FCRL3: variants seen among roughly 807,000 people sequenced by gnomAD.
The protein encoded by FCRL3 is Fc receptor like 3.
A neutral mutation model predicts 75.0 loss-of-function variants in FCRL3; 89 were observed. The ratio of observed to expected loss-of-function variants is 1.19; its 90% CI spans 1.00 to 1.42. The LOEUF (loss-of-function observed/expected upper bound fraction) is 1.42, where lower values mean the gene tolerates loss of function less well. FCRL3 is among the 40% of genes most tolerant of loss of function. The pLI, the probability that FCRL3 is intolerant of heterozygous loss-of-function variation, is 0.00. For missense variants in FCRL3, 946 were observed against 880.0 expected (o/e 1.07, Z -0.95); for synonymous variants, 376 against 348.5 (o/e 1.08, Z -0.88).
At position 157,676,717 on chromosome 1, in the gene FCRL3, T is replaced by G; in HGVS notation, c.*1993A>C. ...ATACTCTGATTTGCACAGGGCTAAG[T>G]GTTACAAAGACATGGAAAATCTTGA... On this transcript the variant is annotated 3_prime_UTR_variant, in exon 15 of 15. Transcript: ENST00000368184. The G allele has an allele frequency of 5.2e-6, 8 of 1,550,416 alleles. No homozygotes were observed. Among genetic ancestry groups the G allele is most frequent in the Non-Finnish European group, 7.0e-6 (8 of 1,146,862 alleles).
Position 157,698,547 on chromosome 1 carries a change from G to A in FCRL3, c.135C>T (p.Ser45=), listed in dbSNP as rs141202519. The change falls in exon 4 of 15, where the codon AGC becomes AGT. Residue 45 remains serine, a synonymous_variant. Transcript: ENST00000368184. ...CCTGGGCTAGGGAATGTGATATGCT[G>A]CTGCATATGAGAGCCACTTTTTCTC... ...FKGEKVALIC[S]SISHSLAQGD... is the part of the protein sequence containing the mutation. 89 of 1,614,052 alleles carry A rather than the reference G, an allele frequency of 5.5e-5. No individual in the cohort carries two copies. The highest frequency in any genetic ancestry group is 1.8e-4 in the Admixed American group (11 of 60,012).
intron 2 of FCRL3, 139 bp from the exon 3 acceptor site, chr1:157,699,851 A>G (rs1322939233): frequency 1.1e-6 from 1 of 894,368 alleles, no homozygotes; most frequent in Non-Finnish European, 1.7e-6. Context: ...ACAACAAAGA[A>G]AATGTCATAT....
intron 10 of FCRL3, among the ~76,000 whole-genome samples, chr1:157,685,936 C>T (rs1482842144): frequency 1.3e-5 from 2 of 152,034 alleles, no homozygotes; most frequent in Non-Finnish European, 2.9e-5. Context: ...TCCACTATCA[C>T]TACGCCTATT....
chr1:157,687,619 T>A (rs988266917), intron 10 of FCRL3, among the ~76,000 whole-genome samples: 2 of 150,144 alleles, frequency 1.3e-5, no homozygotes, highest in Admixed American at 1.3e-4. Context: ...AAAAATGAAA[T>A]CATGTCTTTT....
At chr1:157,698,712 G>A (rs575149397) in intron 3 of FCRL3, 83 bp from the exon 4 acceptor site, 1 of 1,446,206 alleles carries the variant, frequency 6.9e-7, no homozygotes, top group East Asian at 2.3e-5. Flanking sequence ...CCTACAGTCA[G>A]GAGTTTTCCT....
chr1:157,696,413 C>T (rs1375341149), intron 6 of FCRL3, 86 bp from the exon 7 acceptor site: 31 of 1,435,290 alleles, frequency 2.2e-5, no homozygotes, highest in East Asian at 2.1e-4. Flanking sequence ...ATGAATAGGC[C>T]AATAGCAGCA....
Position 157,680,764 on chromosome 1 carries a change from G to A in FCRL3, c.1964C>T (p.Pro655Leu), listed in dbSNP as rs755364010. The A allele has an allele frequency of 9.3e-6, 15 of 1,613,990 alleles. No homozygotes were observed. Among genetic ancestry groups the A allele is most frequent in the Non-Finnish European group, 1.2e-5 (14 of 1,179,894 alleles). ...GGAATAAATCGGGTTGCTATCTCCA[G>A]GATTTACTGTGAGAGAAGATATCAT... ...ELEPMYSNVN[P>L]GDSNPIYSQI... The change falls in exon 13 of 15, where the codon CCT (proline) becomes CTT (leucine). Residue 655 changes from proline to leucine, a missense_variant. Physicochemically the swap from Pro to Leu is moderately conservative, Grantham distance 98. Transcript: ENST00000368184.
At chr1:157,688,052 A>G (rs7549100) in intron 10 of FCRL3, among the ~76,000 whole-genome samples, 42,520 of 151,970 alleles carry the variant, frequency 0.28, 6,528 homozygotes, top group African/African-American at 0.41. Flanking sequence ...AGATGTGACA[A>G]ATAGAAAGCA....
At chr1:157,683,340 A>C (rs1242184238) in intron 10 of FCRL3, 96 bp from the exon 11 acceptor site, 3 of 1,448,846 alleles carry the variant, frequency 2.1e-6, no homozygotes, top group Non-Finnish European at 2.9e-6. Context: ...GATTCATTCT[A>C]GATCTAAGCT....
In FCRL3 at chr1:157,695,495, G is replaced by A; in HGVS notation, c.1245C>T (p.Tyr415=). 1.9e-6 allele frequency: 3 copies of A among 1,614,158 alleles called. No individual in the cohort carries two copies. The highest frequency in any genetic ancestry group is 2.5e-6 in the Non-Finnish European group (3 of 1,180,014). ...GGGTGACATCCTCATGATAAAATCG[G>A]TACAGGATCGGGGGAGAGCCTCTCA... is the stretch of plus-strand genomic sequence containing the variant. ...ESLRGSPPIL[Y]RFYHEDVTLG... is the part of the protein sequence containing the mutation. The change falls in exon 8 of 15, where the codon TAC becomes TAT. Residue 415 remains tyrosine (Y), a synonymous_variant. Coordinates refer to ENST00000368184, the MANE Select transcript of FCRL3 (RefSeq NM_052939.4).
rs761313257 is a variant in FCRL3, at chr1:157,697,817, T to C, written c.401A>G (p.Tyr134Cys). ...ATTAGGAAGCTGTTTTCCATCCTTG[T>C]AGTAAACCTTTTGATGAGTGTTTTT... is the stretch of plus-strand genomic sequence containing the variant. ...DNKNTHQKVY[Y>C]KDGKQLPNSY... Residue 134 changes from tyrosine to cysteine, a missense_variant, in exon 5 of 15, where the codon TAC becomes TGC. Coordinates refer to ENST00000368184, the MANE Select transcript of FCRL3 (RefSeq NM_052939.4). The C allele has an allele frequency of 7.4e-6, 12 of 1,614,086 alleles. No homozygotes were observed. In the East Asian group the frequency reaches 1.3e-4, roughly 18 times the overall value.
chr1:157,700,234 G>A (rs1293860254), intron 2 of FCRL3, among the ~76,000 whole-genome samples: 1 of 152,216 alleles, frequency 6.6e-6, no homozygotes, highest in African/African-American at 2.4e-5. Flanking sequence ...TTCCTATGAG[G>A]TGAGAAAAGC....
chr1:157,680,746 A>T lies in FCRL3; in HGVS notation c.1982T>A (p.Ile661Asn). 1 of 1,614,086 alleles carries T rather than the reference A, an allele frequency of 6.2e-7. No individual in the cohort carries two copies. The highest frequency in any genetic ancestry group is 1.1e-5 in the South Asian group (1 of 91,084). The part of the protein sequence containing the change: ...SNVNPGDSNP[I>N]YSQIWSIQHT... Reference sequence around the variant, plus strand: ...CTGGATGCTCCAGATCTGGGAATAAATCGGGTTGCTATCTCCAGGATTTAC... The same window carrying T: ...CTGGATGCTCCAGATCTGGGAATAATTCGGGTTGCTATCTCCAGGATTTAC... Residue 661 changes from isoleucine (I) to asparagine (N), a missense_variant, in exon 13 of 15, where the codon ATT becomes AAT. Physicochemically the swap from Ile to Asn is moderately radical, Grantham distance 149. Coordinates refer to ENST00000368184, the MANE Select transcript of FCRL3 (RefSeq NM_052939.4).
intron 6 of FCRL3, 25 bp from the exon 7 acceptor site, chr1:157,696,352 G>A (rs767459603): frequency 2.6e-5 from 42 of 1,611,074 alleles, no homozygotes; most frequent in Non-Finnish European, 3.3e-5. Context: ...GATGGCATGT[G>A]AAGGTCCTGA....
chr1:157,699,889 T>C (rs1422158572), intron 2 of FCRL3, among the ~76,000 whole-genome samples, 177 bp from the exon 3 acceptor site: 1 of 152,238 alleles, frequency 6.6e-6, no homozygotes, highest in African/African-American at 2.4e-5. Context: ...TGATGGCTTA[T>C]GTCCAAGGCC....
chr1:157,681,653 T>C (rs1041883392), intron 11 of FCRL3, among the ~76,000 whole-genome samples: 1 of 152,108 alleles, frequency 6.6e-6, no homozygotes, highest in African/African-American at 2.4e-5. Flanking sequence ...TGTTGGACAT[T>C]TGGGTTGGTT....
intron 6 of FCRL3, chr1:157,696,640 G>A (rs1655925111): frequency 5.7e-6 from 2 of 352,766 alleles, no homozygotes; most frequent in South Asian, 9.6e-5. Flanking sequence ...CAAAATAAAA[G>A]AGAACACTGG....
Position 157,676,664 on chromosome 1 carries a change from G to A in FCRL3, c.*2046C>T, listed in dbSNP as rs1654473709. 6.7e-7 allele frequency: 1 copy of A among 1,499,394 alleles called. No homozygotes were observed. The highest frequency in any genetic ancestry group is 1.4e-5 in the African/African-American group (1 of 71,824). 92.9% of individuals were successfully genotyped at this position (1,499,394 alleles called of 1,614,324 possible). ...ACATTTGTTATATCCGAGATGTACA[G>A]TTAGGACTCACCCCTTCTTCCACTC... On this transcript the variant is annotated 3_prime_UTR_variant, in exon 15 of 15. Transcript: ENST00000368184.
At chr1:157,685,878 A>G (rs1655143907) in intron 10 of FCRL3, among the ~76,000 whole-genome samples, 1 of 152,140 alleles carries the variant, frequency 6.6e-6, no homozygotes, top group Non-Finnish European at 1.5e-5. Flanking sequence ...TAATGCATAA[A>G]TAAAAAAATT....
Sources: allele counts gnomAD v4.1 joint callset (sites outside exome capture counted in the v4.1 genomes callset), GRCh38; gene constraint gnomAD v4.1.1; transcripts MANE v1.5; gene names NCBI Gene and HGNC (gene_info 2026-07-23, HGNC 2026-07-21).